The following ZNF407 variants were observed in gnomAD, a reference collection of about 807,000 sequenced individuals.
The protein encoded by ZNF407 is zinc finger protein 407.
A neutral mutation model predicts 131.2 loss-of-function variants in ZNF407; 17 were observed. The observed-to-expected ratio is 0.13, with a 90% CI of 0.09 to 0.19. The LOEUF (loss-of-function observed/expected upper bound fraction) is 0.19, where lower values mean the gene tolerates loss of function less well. ZNF407 is among the 10% of genes least tolerant of loss of function. The probability of loss-of-function intolerance (pLI) is 1.00; values close to 1 mark genes in which losing one functional copy is unlikely to be tolerated. For synonymous variants in ZNF407, 1,156 were observed against 1,062.0 expected, an observed-to-expected ratio of 1.09 and a Z score of -1.72; for missense variants, 2,681 against 2,830.6, an observed-to-expected ratio of 0.95 and a Z score of 1.20.
intron 8 of ZNF407, among the ~76,000 whole-genome samples, chr18:74,928,955 A>G (rs917638567): frequency 2.0e-5 from 3 of 152,148 alleles, no homozygotes; most frequent in Non-Finnish European, 4.4e-5. Flanking sequence ...TGAAAAAAGT[A>G]TCCTTTCTAC....
intron 8 of ZNF407, among the ~76,000 whole-genome samples, chr18:75,009,678 G>A (rs1972951388): frequency 6.6e-6 from 1 of 152,090 alleles, no homozygotes. Flanking sequence ...TCTTCATAAT[G>A]GCTCCTGTAG....
intron 3 of ZNF407, among the ~76,000 whole-genome samples, chr18:74,693,604 G>A (rs1281200699): frequency 1.3e-5 from 2 of 152,132 alleles, no homozygotes; most frequent in South Asian, 2.1e-4. Flanking sequence ...ATGAGAAGTC[G>A]TTTTGTTCCT....
intron 3 of ZNF407, among the ~76,000 whole-genome samples, chr18:74,722,221 C>T (rs530494606): frequency 6.6e-6 from 1 of 152,142 alleles, no homozygotes; most frequent in East Asian, 1.9e-4. Flanking sequence ...TTCCGTATTT[C>T]TCGTAGGATC....
intron 3 of ZNF407, among the ~76,000 whole-genome samples, chr18:74,773,581 A>G (rs893884064): frequency 2.0e-5 from 3 of 152,230 alleles, no homozygotes; most frequent in Admixed American, 2.0e-4. Context: ...CCTTTACACT[A>G]AAGTTTTATG....
At chr18:75,041,820 T>G (rs141010735) in intron 8 of ZNF407, among the ~76,000 whole-genome samples, 2,679 of 152,340 alleles carry the variant, frequency 0.018, 30 homozygotes, top group Middle Eastern at 0.034. Context: ...CCTTAAACAC[T>G]GTGTAGCCTG....
chr18:75,025,875 T>C (rs951467265), intron 8 of ZNF407, among the ~76,000 whole-genome samples: 1 of 152,254 alleles, frequency 6.6e-6, no homozygotes, highest in African/African-American at 2.4e-5. Context: ...AAAACCTGGA[T>C]GTTCTTCAAA....
chr18:74,815,035 T>G (rs1970249089), intron 4 of ZNF407, among the ~76,000 whole-genome samples: 1 of 150,570 alleles, frequency 6.6e-6, no homozygotes, highest in Admixed American at 6.6e-5. Context: ...TATAAAGAAA[T>G]AAAAGTTTAT....
At chr18:75,033,529 G>C (rs538544952) in intron 8 of ZNF407, among the ~76,000 whole-genome samples, 2 of 152,190 alleles carry the variant, frequency 1.3e-5, no homozygotes, top group Non-Finnish European at 2.9e-5. Context: ...GTCCCTTGTG[G>C]GGATTCAGAG....
chr18:74,664,716 TTC>T (rs956268360), intron 3 of ZNF407, among the ~76,000 whole-genome samples: 1 of 152,024 alleles, frequency 6.6e-6, no homozygotes, highest in Non-Finnish European at 1.5e-5. Flanking sequence ...CTCTCTCTCT[TTC>T]TCTCTCTTTT....
intron 7 of ZNF407, among the ~76,000 whole-genome samples, chr18:74,895,144 A>G (rs2145201802): frequency 6.6e-6 from 1 of 151,170 alleles, no homozygotes; most frequent in Non-Finnish European, 1.5e-5. Context: ...TTTTCCCCCT[A>G]CTTATGGCCG....
At chr18:74,674,482 C>G (rs182040782) in intron 3 of ZNF407, among the ~76,000 whole-genome samples, 2 of 151,258 alleles carry the variant, frequency 1.3e-5, no homozygotes, top group Admixed American at 1.3e-4. Flanking sequence ...ATGATCAATA[C>G]CTTTGCCCAC....
intron 1 of ZNF407, among the ~76,000 whole-genome samples, chr18:74,613,399 G>A (rs1983148478): frequency 6.6e-6 from 1 of 152,170 alleles, no homozygotes; most frequent in African/African-American, 2.4e-5. Flanking sequence ...GACTCTAGAA[G>A]TCAAATTACC....
chr18:75,013,010 C>T (rs951197482), intron 8 of ZNF407, among the ~76,000 whole-genome samples: 15 of 149,936 alleles, frequency 1.0e-4, no homozygotes, highest in Admixed American at 8.0e-4. Context: ...TGATAACAGA[C>T]GTAGAACACC....
chr18:74,696,610 G>A (rs1967362393), intron 3 of ZNF407, among the ~76,000 whole-genome samples: 1 of 152,180 alleles, frequency 6.6e-6, no homozygotes, highest in African/African-American at 2.4e-5. Context: ...ATATATCATA[G>A]GGTTATAATG....
At chr18:74,653,490 T>G (rs1985317301) in intron 3 of ZNF407, among the ~76,000 whole-genome samples, 1 of 151,884 alleles carries the variant, frequency 6.6e-6, no homozygotes, top group Non-Finnish European at 1.5e-5. Flanking sequence ...TTAATATATA[T>G]TTGCAGAACT....
chr18:75,028,586 A>C (rs1973198999), intron 8 of ZNF407, among the ~76,000 whole-genome samples: 1 of 152,174 alleles, frequency 6.6e-6, no homozygotes, highest in Admixed American at 6.5e-5. Context: ...AAATACCTCT[A>C]AGTGACTCTG....
intron 8 of ZNF407, among the ~76,000 whole-genome samples, chr18:74,973,511 T>G (rs1972495837): frequency 6.6e-6 from 1 of 152,208 alleles, no homozygotes; most frequent in Non-Finnish European, 1.5e-5. Flanking sequence ...TGGAGGCGAT[T>G]ACAACAAACA....
chr18:74,902,686 C>T (rs779940595), intron 7 of ZNF407, among the ~76,000 whole-genome samples: 1 of 152,180 alleles, frequency 6.6e-6, no homozygotes, highest in Non-Finnish European at 1.5e-5. Flanking sequence ...TTTACATTCT[C>T]TTTGCACGAC....
chr18:74,933,059 T>C (rs1972001257), intron 8 of ZNF407, among the ~76,000 whole-genome samples: 1 of 152,104 alleles, frequency 6.6e-6, no homozygotes, highest in East Asian at 1.9e-4. Context: ...TCCCAAATCA[T>C]TGAAGGCAAG....
Sources: allele counts gnomAD v4.1 joint callset (sites outside exome capture counted in the v4.1 genomes callset), GRCh38; gene constraint gnomAD v4.1.1; transcripts MANE v1.5; gene names NCBI Gene and HGNC (gene_info 2026-07-23, HGNC 2026-07-21).